Variants in TSPAN32 observed in about 807,000 individuals in gnomAD.
The protein encoded by TSPAN32 is tetraspanin-32.
TSPAN32 carries 47 observed loss-of-function variants against 42.7 expected under a neutral mutation model. The ratio of observed to expected loss-of-function variants is 1.10; its 90% CI spans 0.87 to 1.40. The LOEUF (loss-of-function observed/expected upper bound fraction) is 1.40. Ranked by LOEUF, TSPAN32 falls within the 40% of genes most tolerant of loss-of-function variation. The probability of loss-of-function intolerance (pLI) is 0.00; values close to 1 mark genes in which losing one functional copy is unlikely to be tolerated. For synonymous variants in TSPAN32, 175 were observed against 175.9 expected (o/e 0.99, Z 0.04); for missense variants, 469 against 424.1 (o/e 1.11, Z -0.93).
chr11:2,309,927 C>A (rs1848367587), intron 4 of TSPAN32: 1 of 153,694 alleles, frequency 6.5e-6, no homozygotes, highest in South Asian at 2.0e-4. Context: ...AGTGCCCACC[C>A]ACCCCTGGCA....
At position 2,314,574 on chromosome 11, in the gene TSPAN32, GA is replaced by G. The variant is rs758338095; in HGVS notation, c.543+4del. On this transcript the variant is annotated splice_donor_region_variant and intron_variant, in intron 6 of 9. Coordinates refer to ENST00000182290, the MANE Select transcript of TSPAN32 (RefSeq NM_139022.3). ...AGGGAGAGGAGGCGGCGAGAGAGGT[GA>G]GGGGGGGACCTGGATGCTGGCCAGG... The G allele has an allele frequency of 9.2e-5, 147 of 1,604,466 alleles. No individual in the cohort carries two copies. The highest frequency in any genetic ancestry group is 1.2e-4 in the Non-Finnish European group (144 of 1,175,870).
At chr11:2,314,718 G>T (rs1589816565) in intron 6 of TSPAN32, 147 bp downstream of exon 6, 2 of 647,532 alleles carry the variant, frequency 3.1e-6, no homozygotes, top group African/African-American at 3.6e-5. Flanking sequence ...GCTCAGGGAA[G>T]GTTCTGATGT....
At position 2,304,299 on chromosome 11, in the gene TSPAN32, G is replaced by A. The variant is rs1231017513; in HGVS notation, c.279+95G>A. ...GGCTGTGTGCCACCCCCACACCTGA[G>A]TGACCAGGCAGAACCAGAGGCCCCA... On this transcript the variant is annotated intron_variant, in intron 3 of 9. Coordinates refer to ENST00000182290, the MANE Select transcript of TSPAN32 (RefSeq NM_139022.3). The surrounding 1 kb of genome is among the most constrained non-coding windows in gnomAD (Gnocchi z 4.8). The A allele has an allele frequency of 4.4e-6, 4 of 915,672 alleles. No individual in the cohort carries two copies. The highest frequency in any genetic ancestry group is 2.8e-5 in the East Asian group (1 of 35,236). 56.7% of individuals were successfully genotyped at this position (915,672 alleles called of 1,614,324 possible).
rs1005156756 is a variant in TSPAN32 at position 2,315,394 on chromosome 11, G to T, written c.543+823G>T. The T allele has an allele frequency of 3.5e-6, 4 of 1,138,394 alleles. No individual in the cohort carries two copies. The African/African-American group carries it at 5.0e-5, about 14-fold the overall frequency. 70.5% of individuals were successfully genotyped at this position (1,138,394 alleles called of 1,614,324 possible). A position where few individuals can be genotyped will look rare whatever the true frequency, so the allele number is the denominator to read the frequency against. The stretch of plus-strand genomic sequence containing the variant: ...TGGGGAGGGACCAGCGGCATTGGGG[G>T]CAGGGCTAACAGTCAGGACCCCTGT... On this transcript the variant is annotated intron_variant, in intron 6 of 9. Transcript: ENST00000182290.
chr11:2,303,193 A>T (rs995731799), intron 2 of TSPAN32: 14 of 551,102 alleles, frequency 2.5e-5, no homozygotes, highest in African/African-American at 2.5e-4. Flanking sequence ...GAGCGTGGGC[A>T]CAGTGTGGGT....
chr11:2,308,453 T>C (rs1481595856), intron 3 of TSPAN32, among the ~76,000 whole-genome samples: 1 of 42,510 alleles, frequency 2.4e-5, no homozygotes, highest in Non-Finnish European at 4.2e-5. Flanking sequence ...CCCCCCGCAA[T>C]GACCAGCCCC....
At chr11:2,302,354 G>A (rs537459861) in intron 1 of TSPAN32, 139 bp downstream of exon 1, 4 of 993,250 alleles carry the variant, frequency 4.0e-6, no homozygotes, top group Non-Finnish European at 5.4e-6. Flanking sequence ...TTGCAGACAT[G>A]TGTCCTGCCC....
At chr11:2,305,220 G>C (rs1848004522) in intron 3 of TSPAN32, among the ~76,000 whole-genome samples, 1 of 152,202 alleles carries the variant, frequency 6.6e-6, no homozygotes, top group African/African-American at 2.4e-5. Context: ...TGGGCCCATG[G>C]TGGGCAGAGG....
At chr11:2,311,903 C>T (rs1044048947) in intron 4 of TSPAN32, among the ~76,000 whole-genome samples, 4 of 152,338 alleles carry the variant, frequency 2.6e-5, no homozygotes, top group Admixed American at 1.3e-4. Flanking sequence ...GGAGAGCAGC[C>T]GGCCCGGCCT....
In TSPAN32 at chr11:2,317,051, C is replaced by G. The variant is rs1270503189; in HGVS notation, c.720-293C>G. Among the ~76,000 whole-genome samples the G allele has an allele frequency of 2.6e-5, 4 of 152,228 alleles. No individual in the cohort carries two copies. Among genetic ancestry groups the G allele is most frequent in the Middle Eastern group, 3.4e-3 (1 of 294 alleles). Reference sequence around the variant, plus strand: ...ACAGCCAGGCAGCTCTTCCTGCCCCCACGGAGCCTGGCCCGTCTCTGCCTG... The same window carrying G: ...ACAGCCAGGCAGCTCTTCCTGCCCCGACGGAGCCTGGCCCGTCTCTGCCTG... On this transcript the variant is annotated intron_variant, in intron 8 of 9. Transcript: ENST00000182290. The surrounding 1 kb of genome is among the most constrained non-coding windows in gnomAD (Gnocchi z 6.2).
At position 2,304,187 on chromosome 11, in the gene TSPAN32, C is replaced by A; in HGVS notation, c.262C>A (p.Gln88Lys). The A allele has an allele frequency of 1.3e-6, 2 of 1,580,510 alleles. No individual in the cohort carries two copies. Among genetic ancestry groups the A allele is most frequent in the Non-Finnish European group, 1.7e-6 (2 of 1,163,690 alleles). ...LSAAATVREAQGLMAGGFLCF... is the reference protein window; with the variant it reads ...LSAAATVREAKGLMAGGFLCF... ...CGCTGCAGCCACCGTGAGGGAGGCCCAGGGCCTCATGGCAGGGGTGAGTTC... is the reference window on the plus strand; with the variant it reads ...CGCTGCAGCCACCGTGAGGGAGGCCAAGGGCCTCATGGCAGGGGTGAGTTC... Residue 88 changes from glutamine to lysine, a missense_variant, in exon 3 of 10, where the codon CAG (glutamine) becomes AAG (lysine). By Grantham distance (53) the Gln-to-Lys change is moderately conservative (BLOSUM62 1). Transcript: ENST00000182290. This position sits in a 1 kb window ranked among gnomAD's most constrained non-coding sequence, Gnocchi z 4.8.
intron 6 of TSPAN32, chr11:2,315,485 C>T: frequency 8.7e-6 from 10 of 1,152,372 alleles, no homozygotes; most frequent in Non-Finnish European, 1.1e-5. Flanking sequence ...GCCTCGAGCA[C>T]CCTTGGGATG....
intron 1 of TSPAN32, among the ~76,000 whole-genome samples, chr11:2,302,520 C>A (rs1847814875): frequency 1.3e-5 from 2 of 152,188 alleles, no homozygotes; most frequent in Admixed American, 6.5e-5. Context: ...GGATCTTCTC[C>A]CCTTCCTGCC....
intron 4 of TSPAN32, chr11:2,309,185 G>A: frequency 5.1e-6 from 2 of 392,360 alleles, no homozygotes; most frequent in Non-Finnish European, 1.1e-5. Flanking sequence ...TGACTAGAAG[G>A]AGCAGAGTGT....
chr11:2,315,796 G>A, intron 6 of TSPAN32: 1 of 1,312,260 alleles, frequency 7.6e-7, no homozygotes, highest in Non-Finnish European at 1.0e-6. Flanking sequence ...GGACTGTGCG[G>A]GGACCCCCCT....
At chr11:2,312,196 G>A (rs570802063) in intron 4 of TSPAN32, among the ~76,000 whole-genome samples, 75 of 152,338 alleles carry the variant, frequency 4.9e-4, no homozygotes, top group African/African-American at 1.8e-3. Flanking sequence ...CATGGCAGGC[G>A]CCTGACAATG....
chr11:2,303,427 A>G, intron 2 of TSPAN32: 1 of 199,486 alleles, frequency 5.0e-6, no homozygotes, highest in South Asian at 5.8e-5. Context: ...GCAGCGACTT[A>G]TCCAACATCC....
chr11:2,312,608 C>T (rs1020710806), intron 4 of TSPAN32, among the ~76,000 whole-genome samples: 2 of 152,242 alleles, frequency 1.3e-5, no homozygotes, highest in African/African-American at 4.8e-5. Flanking sequence ...GCCTCCACTG[C>T]CCACTGCCCG....
chr11:2,306,163 C>T (rs12275944), intron 3 of TSPAN32, among the ~76,000 whole-genome samples: 31 of 151,984 alleles, frequency 2.0e-4, no homozygotes, highest in Middle Eastern at 3.4e-3. Context: ...TGTGTCTGCA[C>T]GCATGAGCAC....
Sources: gnomAD v4.1 joint callset for allele counts (sites outside exome capture counted in the v4.1 genomes callset) on GRCh38, gnomAD v4.1.1 for gene constraint, Gnocchi (gnomAD v3.1) non-coding constraint, MANE v1.5 for transcripts, NCBI Gene and HGNC (gene_info 2026-07-23, HGNC 2026-07-21) for gene names.